Variants in SLF2 observed in about 807,000 individuals in gnomAD.
The protein encoded by SLF2 is SMC5-SMC6 complex localization factor protein 2.
In SLF2, 68 loss-of-function variants were observed where a neutral mutation model predicts 124.3. That is an observed-to-expected ratio of 0.55 (90% CI 0.45 to 0.67). SLF2 has a LOEUF of 0.67. Among genes scored for constraint, SLF2 ranks in the 30% least tolerant of loss-of-function variants. The pLI is 0.00. For synonymous variants in SLF2, 480 were observed against 478.8 expected, an observed-to-expected ratio of 1.00 and a Z score of -0.03; for missense variants, 1,246 against 1,373.7, an observed-to-expected ratio of 0.91 and a Z score of 1.47.
intron 9 of SLF2, among the ~76,000 whole-genome samples, chr10:100,936,565 G>A (rs533297209): frequency 6.6e-6 from 1 of 152,130 alleles, no homozygotes; most frequent in South Asian, 2.1e-4. Flanking sequence ...TCGATCTCCT[G>A]ACCTCGTGAT....
At chr10:100,947,879 A>G in intron 15 of SLF2, 32 bp downstream of exon 15, 2 of 1,526,162 alleles carry the variant, frequency 1.3e-6, no homozygotes. Context: ...TTTTTAATAA[A>G]TGGGAGAGGT....
At chr10:100,956,654 G>GCCACCA in intron 18 of SLF2, 117 bp downstream of exon 18, 1 of 701,890 alleles carries the variant, frequency 1.4e-6, no homozygotes, top group Non-Finnish European at 2.3e-6. Flanking sequence ...GCTAGGCATG[G>GCCACCA]TGGCTCATGC....
At chr10:100,920,586 A>G (rs1849506567) in intron 4 of SLF2, among the ~76,000 whole-genome samples, 1 of 152,238 alleles carries the variant, frequency 6.6e-6, no homozygotes, top group African/African-American at 2.4e-5. Flanking sequence ...GAATTTCAAC[A>G]TGTAAAGGAC....
chr10:100,940,388 CT>C (rs907152351), intron 11 of SLF2, among the ~76,000 whole-genome samples: 1 of 152,082 alleles, frequency 6.6e-6, no homozygotes, highest in African/African-American at 2.4e-5. Flanking sequence ...GAGACAGGGT[CT>C]TGCTTTGTTG....
chr10:100,949,363 ATAAT>A (rs1195017354), intron 15 of SLF2, among the ~76,000 whole-genome samples: 18 of 152,296 alleles, frequency 1.2e-4, no homozygotes, highest in Admixed American at 5.9e-4. Context: ...AATTACATGA[ATAAT>A]TAACCCTCAA....
At chr10:100,943,966 C>A in intron 11 of SLF2, 60 bp from the exon 12 acceptor site, 1 of 1,089,354 alleles carries the variant, frequency 9.2e-7, no homozygotes, top group African/African-American at 1.6e-5. Flanking sequence ...CCCAGAATTT[C>A]TTAAAGTGAG....
intron 11 of SLF2, 53 bp downstream of exon 11, chr10:100,938,789 A>G (rs747710779): frequency 7.6e-6 from 11 of 1,443,126 alleles, no homozygotes; most frequent in South Asian, 5.7e-5. Context: ...TACGACTTAT[A>G]TATAATTATA....
At position 100,963,744 on chromosome 10, in the gene SLF2, T is replaced by C. The variant is rs1850465113; in HGVS notation, c.*1832T>C. ...TAATTTACAGTGTGTAAATATTTTC[T>C]AATTGTGTACATTGATGGGGGGGAC... is the stretch of plus-strand genomic sequence containing the variant. On this transcript the variant is annotated 3_prime_UTR_variant, in exon 20 of 20. Transcript: ENST00000238961. The C allele has an allele frequency of 6.6e-6, 1 of 152,634 alleles. No individual in the cohort carries two copies. The highest frequency in any genetic ancestry group is 1.5e-5 in the Non-Finnish European group (1 of 68,036). 9.5% of individuals were successfully genotyped at this position (152,634 alleles called of 1,614,324 possible).
chr10:100,952,945 CA>C, intron 17 of SLF2, among the ~76,000 whole-genome samples: 1 of 152,008 alleles, frequency 6.6e-6, no homozygotes, highest in South Asian at 2.1e-4. Context: ...GTCTCAAAAA[CA>C]AAAAGTGTTT....
rs770300628 is a variant in SLF2, at chr10:100,959,506, T to C, written c.3486+10T>C. ...CTGTCGGCCTACTCAGGTGTCATTTTGTTATACAATTTCATGTATTCTTAA... is the reference window on the plus strand; with the variant it reads ...CTGTCGGCCTACTCAGGTGTCATTTCGTTATACAATTTCATGTATTCTTAA... On this transcript the variant is annotated intron_variant, in intron 19 of 19. Coordinates refer to ENST00000238961, the MANE Select transcript of SLF2 (RefSeq NM_018121.4). 5 of 1,612,994 alleles carry C rather than the reference T, an allele frequency of 3.1e-6. No homozygotes were observed. The highest frequency in any genetic ancestry group is 4.2e-6 in the Non-Finnish European group (5 of 1,179,702).
chr10:100,944,798 G>A (rs1850068354), intron 12 of SLF2, among the ~76,000 whole-genome samples: 1 of 152,304 alleles, frequency 6.6e-6, no homozygotes, highest in South Asian at 2.1e-4. Flanking sequence ...GCCAAGACGG[G>A]TGGATCACCT....
At chr10:100,953,797 C>T (rs1850270540) in intron 17 of SLF2, among the ~76,000 whole-genome samples, 1 of 152,018 alleles carries the variant, frequency 6.6e-6, no homozygotes, top group Admixed American at 6.5e-5. Flanking sequence ...GGACTAGAGG[C>T]ATGTGCCATG....
At chr10:100,950,345 T>G (rs1313481014) in intron 16 of SLF2, 138 bp downstream of exon 16, 10 of 1,015,414 alleles carry the variant, frequency 9.8e-6, no homozygotes, top group Non-Finnish European at 1.4e-5. Context: ...AAGCGAATAA[T>G]ATTTTTAATT....
intron 18 of SLF2, among the ~76,000 whole-genome samples, chr10:100,957,198 A>G (rs757393587): frequency 6.6e-6 from 1 of 152,178 alleles, no homozygotes; most frequent in Non-Finnish European, 1.5e-5. Flanking sequence ...TTAAATAAAT[A>G]CGTAAGTTAT....
In SLF2 at chr10:100,930,016, A is replaced by G. The variant is rs773485317; in HGVS notation, c.2333+19A>G. 1 of 1,443,880 alleles carries G rather than the reference A, an allele frequency of 6.9e-7. No individual in the cohort carries two copies. Among genetic ancestry groups the G allele is most frequent in the East Asian group, 2.4e-5 (1 of 41,490 alleles). 89.4% of individuals were successfully genotyped at this position (1,443,880 alleles called of 1,614,324 possible). A position where few individuals can be genotyped will look rare whatever the true frequency, so the allele number is the denominator to read the frequency against. On this transcript the variant is annotated intron_variant, in intron 8 of 19. Transcript: ENST00000238961. ...TTCTTAAGTAAGTAGAAAAATAGAC[A>G]TTTTACTTTTATATGTATAAAAAAT...
chr10:100,959,634 A>T (rs1268056911), intron 19 of SLF2, 138 bp downstream of exon 19: 3 of 1,334,450 alleles, frequency 2.2e-6, no homozygotes, highest in Non-Finnish European at 2.9e-6. Context: ...CGCCAGTATA[A>T]TACATGGTTT....
At position 100,924,693 on chromosome 10, in the gene SLF2, A is replaced by G. The variant is rs778626588; in HGVS notation, c.1692A>G (p.Pro564=). The G allele has an allele frequency of 2.5e-6, 4 of 1,614,044 alleles. No homozygotes were observed. Among genetic ancestry groups the G allele is most frequent in the Non-Finnish European group, 3.4e-6 (4 of 1,180,032 alleles). ...CCCCTGCTGCTTTGGAAGTTGTGCC[A>G]TGTATCCCAAGCCCTGCAGCACCTT... ...KSPPAALEVV[P]CIPSPAAPSD... The change falls in exon 5 of 20, where the codon CCA becomes CCG. Residue 564 remains proline (P), a synonymous_variant. Coordinates refer to ENST00000238961, the MANE Select transcript of SLF2 (RefSeq NM_018121.4).
At chr10:100,949,162 A>T (rs543306515) in intron 15 of SLF2, among the ~76,000 whole-genome samples, 1 of 152,306 alleles carries the variant, frequency 6.6e-6, no homozygotes, top group East Asian at 1.9e-4. Context: ...ATTGAGGTAG[A>T]TTTGATTCCA....
At chr10:100,919,001 CT>C (rs528512219) in intron 4 of SLF2, among the ~76,000 whole-genome samples, 55 of 105,680 alleles carry the variant, frequency 5.2e-4, no homozygotes, top group African/African-American at 2.2e-3. Flanking sequence ...GAAACATAAT[CT>C]TTTTTTTTTT....
Sources: allele counts gnomAD v4.1 joint callset (sites outside exome capture counted in the v4.1 genomes callset), GRCh38; gene constraint gnomAD v4.1.1; transcripts MANE v1.5; gene names NCBI Gene and HGNC (gene_info 2026-07-23, HGNC 2026-07-21).